The following DPRX variants were observed in gnomAD, a reference collection of about 807,000 sequenced individuals.
DPRX encodes the protein divergent paired-related homeobox.
DPRX carries 11 observed loss-of-function variants against 8.4 expected under a neutral mutation model. The ratio of observed to expected loss-of-function variants is 1.31; its 90% CI spans 0.82 to 2.17. The LOEUF (loss-of-function observed/expected upper bound fraction) is 2.17. DPRX is among the 30% of genes most tolerant of loss of function. The pLI is 0.00. For synonymous variants in DPRX, 72 were observed against 87.0 expected (o/e 0.83, Z 0.96); for missense variants, 211 against 236.7 (o/e 0.89, Z 0.71).
chr19:53,628,878 A>G (rs920566758), upstream of DPRX, among the ~76,000 whole-genome samples: 3 of 151,466 alleles, frequency 2.0e-5, no homozygotes, highest in African/African-American at 7.3e-5. Flanking sequence ...GTGAGCCACC[A>G]TGCCTGGCCC....
the DPRX span, chr19:53,601,153 AC>A: frequency 2.4e-6 from 1 of 417,872 alleles, no homozygotes. Flanking sequence ...AGTAGCTGGG[AC>A]TACAGGCACA....
At chr19:53,608,743 G>A in the DPRX span, among the ~76,000 whole-genome samples, 2 of 151,792 alleles carry the variant, frequency 1.3e-5, no homozygotes, top group African/African-American at 2.4e-5. Context: ...ACGAGGTAAG[G>A]AGATTGAGAC....
chr19:53,620,315 C>T, the DPRX span, among the ~76,000 whole-genome samples: 1 of 151,936 alleles, frequency 6.6e-6, no homozygotes, highest in African/African-American at 2.4e-5. Flanking sequence ...ATGATCCGCC[C>T]ACCTTGGCCT....
At position 53,636,585 on chromosome 19, in the gene DPRX, C is replaced by A; in HGVS notation, c.184-11C>A. The A allele has an allele frequency of 1.9e-6, 3 of 1,575,736 alleles. No homozygotes were observed. Among genetic ancestry groups the A allele is most frequent in the Non-Finnish European group, 2.6e-6 (3 of 1,158,104 alleles). On this transcript the variant is annotated splice_polypyrimidine_tract_variant and intron_variant, in intron 2 of 2. Coordinates refer to ENST00000376650, the Ensembl canonical transcript of DPRX. ...AATTCCACCCCATTCTCTTCTCTCT[C>A]TTCCCTTCAGGTCTGGTTCAAGAAT...
Position 53,636,928 on chromosome 19 carries a change from C to A in DPRX, c.516C>A (p.Cys172Ter), listed in dbSNP as rs755247548. ...ACCCCATTTTGGAATCCCAAGTTTG[C>A]GCTCCAAGCTTCCATTCTGGCTCTC... Residue 172 changes from cysteine (C) to a stop codon, truncating the protein, a stop_gained, in exon 3 of 3, where the codon TGC becomes TGA. Transcript: ENST00000376650. LOFTEE classifies it low-confidence loss of function (END_TRUNC). 1 of 1,613,062 alleles carries A rather than the reference C, an allele frequency of 6.2e-7. No homozygotes were observed. Among genetic ancestry groups the A allele is most frequent in the African/African-American group, 1.3e-5 (1 of 75,010 alleles).
chr19:53,630,530 C>T (rs2091088618), upstream of DPRX, among the ~76,000 whole-genome samples: 1 of 152,008 alleles, frequency 6.6e-6, no homozygotes, highest in Non-Finnish European at 1.5e-5. Context: ...CCAGGCTGGG[C>T]CTAGGCCTTT....
the DPRX span, among the ~76,000 whole-genome samples, chr19:53,620,884 A>G: frequency 6.5e-3 from 992 of 151,872 alleles, 7 homozygotes; most frequent in Middle Eastern, 0.034. Flanking sequence ...GTGGGCCACC[A>G]TGCCCAGCCT....
chr19:53,623,654 C>T, the DPRX span, among the ~76,000 whole-genome samples: 5 of 149,128 alleles, frequency 3.4e-5, no homozygotes, highest in Admixed American at 6.7e-5. Context: ...AAACAAAAAG[C>T]CATTCCTGGC....
the DPRX span, among the ~76,000 whole-genome samples, chr19:53,615,274 ATCTG>A: frequency 1.4e-5 from 2 of 145,372 alleles, no homozygotes; most frequent in Non-Finnish European, 3.0e-5. Context: ...GTCCAGCCAG[ATCTG>A]TCTAATTTTT....
At chr19:53,608,716 G>T in the DPRX span, among the ~76,000 whole-genome samples, 1 of 152,138 alleles carries the variant, frequency 6.6e-6, no homozygotes, top group Non-Finnish European at 1.5e-5. Context: ...ACTCTGGGAG[G>T]CTGAGGCGGG....
chr19:53,629,530 C>T (rs1160525287), upstream of DPRX, among the ~76,000 whole-genome samples: 2 of 143,798 alleles, frequency 1.4e-5, no homozygotes, highest in Non-Finnish European at 3.1e-5. Flanking sequence ...GTGTGAGCCA[C>T]TGTGTCCGGC....
At chr19:53,617,595 G>C in the DPRX span, among the ~76,000 whole-genome samples, 9 of 146,966 alleles carry the variant, frequency 6.1e-5, no homozygotes, top group Admixed American at 5.5e-4. Context: ...AAAGAAATCA[G>C]TGCATACTGG....
the DPRX span, chr19:53,616,958 T>G: frequency 7.9e-7 from 1 of 1,264,620 alleles, no homozygotes; most frequent in African/African-American, 1.5e-5. Context: ...GTTTATGATG[T>G]TACGGTTGAA....
At chr19:53,618,688 A>ATTTT in the DPRX span, among the ~76,000 whole-genome samples, 1 of 139,508 alleles carries the variant, frequency 7.2e-6, no homozygotes. Context: ...TTGTCTCCAG[A>ATTTT]TTTTTTTTTT....
At chr19:53,635,083 C>T (rs576134382) in intron 2 of DPRX, among the ~76,000 whole-genome samples, 1 of 152,196 alleles carries the variant, frequency 6.6e-6, no homozygotes, top group Non-Finnish European at 1.5e-5. Context: ...AGCAATCCTA[C>T]CACCTCAGCA....
At chr19:53,636,984 G>C (rs1475477838) in exon 3 of DPRX, 29 of 1,593,438 alleles carry the variant, frequency 1.8e-5, no homozygotes, top group Non-Finnish European at 2.4e-5. Context: ...AGTCGAGAGA[G>C]ATGATAAATA....
At chr19:53,604,952 A>C in the DPRX span, among the ~76,000 whole-genome samples, 1 of 152,168 alleles carries the variant, frequency 6.6e-6, no homozygotes, top group South Asian at 2.1e-4. Context: ...TGATTATTAC[A>C]TCTTGTATAC....
chr19:53,603,330 G>A, the DPRX span: 9 of 455,598 alleles, frequency 2.0e-5, no homozygotes, highest in African/African-American at 4.0e-5. Context: ...AAAACACCCC[G>A]CGGAGAAACG....
At chr19:53,611,615 T>TA in the DPRX span, among the ~76,000 whole-genome samples, 5 of 151,830 alleles carry the variant, frequency 3.3e-5, no homozygotes, top group Non-Finnish European at 7.4e-5. Context: ...AAGAGATTTT[T>TA]AAAAAAAACA....
Sources: allele counts gnomAD v4.1 joint callset (sites outside exome capture counted in the v4.1 genomes callset), GRCh38; gene constraint gnomAD v4.1.1; transcripts MANE v1.5; gene names NCBI Gene and HGNC (gene_info 2026-07-23, HGNC 2026-07-21).